MYT1L: variants seen among roughly 807,000 people sequenced by gnomAD.
MYT1L encodes myelin transcription factor 1-like protein.
MYT1L carries 12 observed loss-of-function variants against 126.7 expected under a neutral mutation model. The ratio of observed to expected loss-of-function variants is 0.09; its 90% confidence interval spans 0.06 to 0.15. The LOEUF (loss-of-function observed/expected upper bound fraction) is 0.15, where lower values mean the gene tolerates loss of function less well. Ranked by LOEUF, MYT1L falls within the 10% of genes least tolerant of loss-of-function variation. The pLI, the probability that MYT1L is intolerant of heterozygous loss-of-function variation, is 1.00. For missense variants in MYT1L, 979 were observed against 1,585.2 expected (o/e 0.62, Z 6.49); for synonymous variants, 541 against 604.2 (o/e 0.90, Z 1.53).
intron 4 of MYT1L, among the ~76,000 whole-genome samples, chr2:2,033,080 C>T (rs2066548987): frequency 7.4e-6 from 1 of 135,820 alleles, no homozygotes; most frequent in African/African-American, 2.8e-5. Flanking sequence ...GCCTCTCATC[C>T]TGTGGCCCAG....
At chr2:2,270,740 A>T (rs1277208679) in intron 2 of MYT1L, among the ~76,000 whole-genome samples, 1 of 152,126 alleles carries the variant, frequency 6.6e-6, no homozygotes, top group Non-Finnish European at 1.5e-5. Flanking sequence ...AAAGTACAGC[A>T]CAGTCTCTGC....
At chr2:2,047,826 AAAT>A (rs2068369765) in intron 4 of MYT1L, among the ~76,000 whole-genome samples, 1 of 152,344 alleles carries the variant, frequency 6.6e-6, no homozygotes, top group South Asian at 2.1e-4. Flanking sequence ...GAACTCAAGG[AAAT>A]AATGTAAACT....
At chr2:1,794,650 A>G (rs2033038389) in intron 23 of MYT1L, among the ~76,000 whole-genome samples, 1 of 152,184 alleles carries the variant, frequency 6.6e-6, no homozygotes, top group African/African-American at 2.4e-5. Context: ...TCTCTGCTGG[A>G]AAGTCTAGCC....
chr2:2,172,116 T>A (rs1362571864), intron 3 of MYT1L, among the ~76,000 whole-genome samples: 1 of 152,166 alleles, frequency 6.6e-6, no homozygotes, highest in Non-Finnish European at 1.5e-5. Context: ...CTTTACAGGA[T>A]CTGAGATTTG....
At chr2:2,281,921 A>G (rs2095452510) in intron 2 of MYT1L, among the ~76,000 whole-genome samples, 1 of 152,214 alleles carries the variant, frequency 6.6e-6, no homozygotes, top group African/African-American at 2.4e-5. Context: ...GCTACTTTTT[A>G]GCGGTAGGTG....
chr2:1,982,809 T>C (rs1306811957), intron 5 of MYT1L, among the ~76,000 whole-genome samples: 3 of 152,164 alleles, frequency 2.0e-5, no homozygotes, highest in African/African-American at 7.2e-5. Flanking sequence ...CTTACCCTTA[T>C]CCAGCATCTC....
intron 8 of MYT1L, among the ~76,000 whole-genome samples, chr2:1,953,699 T>C (rs2058089114): frequency 6.6e-6 from 1 of 152,264 alleles, no homozygotes; most frequent in African/African-American, 2.4e-5. Flanking sequence ...GGGTGTTCAG[T>C]ACCTCTGTTT....
chr2:2,210,508 G>C (rs575194782), intron 2 of MYT1L, among the ~76,000 whole-genome samples: 1 of 152,148 alleles, frequency 6.6e-6, no homozygotes, highest in East Asian at 1.9e-4. Flanking sequence ...GTCTATCCTT[G>C]GCTCCTTTGT....
chr2:1,923,694 T>C (rs1396421597), intron 9 of MYT1L, among the ~76,000 whole-genome samples: 2 of 152,244 alleles, frequency 1.3e-5, no homozygotes, highest in Non-Finnish European at 2.9e-5. Flanking sequence ...TTGCCAACTC[T>C]GAAGCAGATG....
intron 8 of MYT1L, among the ~76,000 whole-genome samples, chr2:1,957,261 T>C (rs1460292412): frequency 6.6e-6 from 1 of 152,210 alleles, no homozygotes; most frequent in Non-Finnish European, 1.5e-5. Flanking sequence ...GTTATCTTTT[T>C]TTGAAAGTTT....
chr2:1,995,571 G>A (rs995089168), intron 5 of MYT1L, among the ~76,000 whole-genome samples: 13 of 152,218 alleles, frequency 8.5e-5, no homozygotes, highest in African/African-American at 3.1e-4. Context: ...TGTCAGCACA[G>A]CCGCTGTAGG....
chr2:2,126,344 G>C (rs893858382), intron 3 of MYT1L, among the ~76,000 whole-genome samples: 17 of 152,294 alleles, frequency 1.1e-4, no homozygotes, highest in African/African-American at 4.1e-4. Flanking sequence ...CAATCCCATA[G>C]CTCCAACTGT....
intron 3 of MYT1L, among the ~76,000 whole-genome samples, chr2:2,107,193 C>T (rs914251147): frequency 6.6e-6 from 1 of 152,176 alleles, no homozygotes; most frequent in East Asian, 1.9e-4. Context: ...AAGACTGAGA[C>T]GTGGGTTTGG....
intron 9 of MYT1L, among the ~76,000 whole-genome samples, chr2:1,935,360 A>G (rs1024560590): frequency 3.9e-5 from 6 of 152,166 alleles, no homozygotes; most frequent in African/African-American, 1.4e-4. Flanking sequence ...AGCTGTCATG[A>G]TATTCTGAAT....
Position 1,953,108 on chromosome 2 carries a change from A to G in MYT1L, c.153-9774T>C, listed in dbSNP as rs191835978. On this transcript the variant is annotated intron_variant, in intron 8 of 24. Transcript: ENST00000647738. ...CTACAGAGTAGCTAGGACCACAGGG[A>G]TATACTACCAAGCTCAGCTAATTTT... Among the ~76,000 whole-genome samples, 238 of 151,518 alleles carry G rather than the reference A, an allele frequency of 1.6e-3. 2 individuals are homozygous for G. Among genetic ancestry groups the G allele is most frequent in the Middle Eastern group, 0.014 (4 of 294 alleles).
intron 9 of MYT1L, among the ~76,000 whole-genome samples, chr2:1,926,554 T>C (rs1401236713): frequency 6.6e-6 from 1 of 152,156 alleles, no homozygotes; most frequent in Non-Finnish European, 1.5e-5. Flanking sequence ...GCCATTTTAC[T>C]AGGTTTTGTT....
chr2:1,863,590 C>G (rs956756135), intron 18 of MYT1L, among the ~76,000 whole-genome samples: 1 of 151,524 alleles, frequency 6.6e-6, no homozygotes, highest in Non-Finnish European at 1.5e-5. Context: ...AACGGCATGT[C>G]CCACTCCAGG....
rs541192543 is a variant in MYT1L at position 2,051,633 on chromosome 2, G to C, written c.-158+2345C>G. Among the ~76,000 whole-genome samples, 6 of 152,324 alleles carry C rather than the reference G, an allele frequency of 3.9e-5. No individual in the cohort carries two copies. The South Asian group carries it at 1.2e-3, about 32-fold the overall frequency. ...AGAATTAAGCCTTAAAAACAAAGCT[G>C]AGTTTTTAAGAAACTAAACAGACAC... On this transcript the variant is annotated intron_variant, in intron 4 of 24. Transcript: ENST00000647738.
intron 4 of MYT1L, among the ~76,000 whole-genome samples, chr2:2,045,813 C>A (rs1381753033): frequency 6.6e-6 from 1 of 152,114 alleles, no homozygotes; most frequent in Non-Finnish European, 1.5e-5. Context: ...GATCTCCAGG[C>A]CAACTTTCTT....
Sources: allele counts gnomAD v4.1 joint callset (sites outside exome capture counted in the v4.1 genomes callset), GRCh38; gene constraint gnomAD v4.1.1; transcripts MANE v1.5; gene names NCBI Gene and HGNC (gene_info 2026-07-23, HGNC 2026-07-21).